The following TAF4 variants were observed in gnomAD, a reference collection of about 807,000 sequenced individuals.
TAF4 encodes TATA-box binding protein associated factor 4.
A neutral mutation model predicts 90.3 loss-of-function variants in TAF4; 9 were observed. The observed-to-expected ratio is 0.10, with a 90% confidence interval of 0.06 to 0.17. The LOEUF (loss-of-function observed/expected upper bound fraction) is 0.17, where lower values mean the gene tolerates loss of function less well. Among genes scored for constraint, TAF4 ranks in the 10% least tolerant of loss-of-function variants. The pLI is 1.00. For synonymous variants in TAF4, 818 were observed against 638.9 expected (o/e 1.28, Z -4.23); for missense variants, 1,351 against 1,370.7 (o/e 0.99, Z 0.23).
intron 1 of TAF4, chr20:62,037,777 G>C (rs539034067): frequency 4.6e-6 from 1 of 215,294 alleles, no homozygotes; most frequent in African/African-American, 2.3e-5. Context: ...TGCCAAGTCG[G>C]AATGGCATAC....
At chr20:62,045,129 A>G (rs1443464346) in intron 1 of TAF4, among the ~76,000 whole-genome samples, 2 of 152,254 alleles carry the variant, frequency 1.3e-5, no homozygotes, top group Admixed American at 6.5e-5. Context: ...TCAGGTAGGG[A>G]GAGACAGTCT....
intron 14 of TAF4, among the ~76,000 whole-genome samples, chr20:61,992,087 T>C (rs2123112562): frequency 6.6e-6 from 1 of 152,132 alleles, no homozygotes; most frequent in East Asian, 1.9e-4. Flanking sequence ...CCATGAAGCG[T>C]TCCAAAAGAA....
At chr20:62,033,824 C>T (rs547258252) in intron 1 of TAF4, among the ~76,000 whole-genome samples, 108 of 151,764 alleles carry the variant, frequency 7.1e-4, no homozygotes, top group African/African-American at 2.5e-3. Flanking sequence ...GGGTGGATCA[C>T]GAGGTCAGGA....
At chr20:62,049,784 C>T (rs1456166834) in intron 1 of TAF4, among the ~76,000 whole-genome samples, 1 of 152,162 alleles carries the variant, frequency 6.6e-6, no homozygotes, top group East Asian at 1.9e-4. Flanking sequence ...CCAGGCCCCA[C>T]CAGTCACGTG....
At chr20:61,982,884 C>T (rs998255692) in intron 14 of TAF4, among the ~76,000 whole-genome samples, 3 of 151,950 alleles carry the variant, frequency 2.0e-5, no homozygotes, top group South Asian at 2.1e-4. Flanking sequence ...CCAGCCTGCA[C>T]CCCCCTCCCC....
intron 1 of TAF4, among the ~76,000 whole-genome samples, chr20:62,033,999 G>A (rs1376161957): frequency 1.3e-4 from 19 of 150,358 alleles, no homozygotes; most frequent in South Asian, 4.2e-4. Context: ...CCAAGACCGC[G>A]CCACTGCACT....
intron 4 of TAF4, 95 bp downstream of exon 4, chr20:62,009,950 TG>T: frequency 6.3e-7 from 1 of 1,579,056 alleles, no homozygotes. Flanking sequence ...GTGAGCGGTC[TG>T]GGACAGAAGC....
At chr20:62,061,272 C>T (rs141857194) in intron 1 of TAF4, among the ~76,000 whole-genome samples, 37 of 152,350 alleles carry the variant, frequency 2.4e-4, no homozygotes, top group African/African-American at 8.2e-4. Context: ...GGCTAGTGGA[C>T]ATTTTCCCCC....
chr20:62,047,455 G>A (rs577341152), intron 1 of TAF4, among the ~76,000 whole-genome samples: 1 of 152,152 alleles, frequency 6.6e-6, no homozygotes, highest in African/African-American at 2.4e-5. Flanking sequence ...AGCTCCTTTA[G>A]AAGGAAGAGA....
intron 14 of TAF4, among the ~76,000 whole-genome samples, chr20:61,984,476 G>C (rs115000327): frequency 2.6e-5 from 4 of 152,034 alleles, no homozygotes; most frequent in African/African-American, 9.7e-5. Context: ...TCACCGTGTC[G>C]ACAGCCCAGA....
At position 62,065,759 on chromosome 20, in the gene TAF4, C is replaced by T. The variant is rs1007683356; in HGVS notation, c.52G>A (p.Asp18Asn). 2 of 1,347,094 alleles carry T rather than the reference C, an allele frequency of 1.5e-6. No homozygotes were observed. The highest frequency in any genetic ancestry group is 1.9e-6 in the Non-Finnish European group (2 of 1,031,738). The allele number at this position is 1,347,094 out of a possible 1,614,324, so 83.4% of individuals were successfully genotyped here. A position where few individuals can be genotyped will look rare whatever the true frequency, so the allele number is the denominator to read the frequency against. ...LDEVFFNSEV[D>N]EKVVSDLVGS... ...ACCAGGTCGCTCACCACTTTCTCGT[C>T]CACCTCGCTGTTGAAGAAGACCTCG... is the stretch of plus-strand genomic sequence containing the variant. The change falls in exon 1 of 15, where the codon GAC becomes AAC. Residue 18 changes from aspartate to asparagine, a missense_variant. This residue lies in a region of TAF4 where 782 missense variants were observed against 536.6 expected (regional missense o/e 1.46). Coordinates refer to ENST00000252996, the MANE Select transcript of TAF4 (RefSeq NM_003185.4).
At chr20:62,044,812 G>GA (rs1460151217) in intron 1 of TAF4, among the ~76,000 whole-genome samples, 4 of 152,188 alleles carry the variant, frequency 2.6e-5, no homozygotes, top group Non-Finnish European at 5.9e-5. Context: ...GAAACTGCTC[G>GA]AGAGTCATTT....
rs28382062 is a variant in TAF4 at position 62,011,540 on chromosome 20, C to T, written c.1641+1275G>A. 3.9e-5 allele frequency among the ~76,000 whole-genome samples: 6 copies of T among 152,326 alleles called. No individual in the cohort carries two copies. In the East Asian group the frequency reaches 1.2e-3, roughly 29 times the overall value. On this transcript the variant is annotated intron_variant, in intron 3 of 14. Coordinates refer to ENST00000252996, the MANE Select transcript of TAF4 (RefSeq NM_003185.4). ...GCTCCTTCAGGGAAAACACCAAGGG[C>T]GGGGCCTGCACCAAAGGCCAGCACA...
chr20:62,057,108 C>T (rs749983), intron 1 of TAF4, among the ~76,000 whole-genome samples: 4,141 of 152,302 alleles, frequency 0.027, 194 homozygotes, highest in African/African-American at 0.095. Context: ...ACACACTTTA[C>T]TGCAAAGTCA....
At position 62,000,193 on chromosome 20, in the gene TAF4, C is replaced by T; in HGVS notation, c.2718G>A (p.Thr906=). 3 of 1,614,198 alleles carry T rather than the reference C, an allele frequency of 1.9e-6. No homozygotes were observed. Among genetic ancestry groups the T allele is most frequent in the African/African-American group, 1.3e-5 (1 of 75,058 alleles). Residue 906 remains threonine (T), a synonymous_variant, in exon 11 of 15, where the codon ACG becomes ACA. Transcript: ENST00000252996. ...CTACAAGATTCTGTAGCCTTTGTTGCGTGGCATGTGATACATAACTTACTA... is the reference window on the plus strand; with the variant it reads ...CTACAAGATTCTGTAGCCTTTGTTGTGTGGCATGTGATACATAACTTACTA... ...PDVVSYVSHA[T]QQRLQNLVEK...
intron 14 of TAF4, among the ~76,000 whole-genome samples, chr20:61,985,221 G>A (rs930683307): frequency 2.6e-5 from 4 of 151,776 alleles, no homozygotes; most frequent in Non-Finnish European, 5.9e-5. Context: ...CTGCAGGTGA[G>A]TGACGGCCAC....
rs966451603 is a variant in TAF4, at chr20:61,987,105, G to A, written c.3090+10445C>T. Among the ~76,000 whole-genome samples, 12 of 152,298 alleles carry A rather than the reference G, an allele frequency of 7.9e-5. No individual in the cohort carries two copies. In the South Asian group the frequency reaches 1.2e-3, roughly 16 times the overall value. ...GCAGCAGCAGCAGCAACAGCCAGGC[G>A]ACACCACCTGCCTCCCAATCCAGTG... is the stretch of plus-strand genomic sequence containing the variant. On this transcript the variant is annotated intron_variant, in intron 14 of 14. Coordinates refer to ENST00000252996, the MANE Select transcript of TAF4 (RefSeq NM_003185.4).
intron 2 of TAF4, 35 bp from the exon 3 acceptor site, chr20:62,012,969 A>T: frequency 6.2e-7 from 1 of 1,609,612 alleles, no homozygotes; most frequent in Non-Finnish European, 8.5e-7. Flanking sequence ...AAACGAGCGC[A>T]AGTAAAAGGA....
At chr20:61,997,992 A>G in intron 13 of TAF4, 144 bp downstream of exon 13, 1 of 799,212 alleles carries the variant, frequency 1.3e-6, no homozygotes, top group Non-Finnish European at 1.9e-6. Context: ...CTGATGTTGT[A>G]TTTATTTAAA....
Sources: allele counts gnomAD v4.1 joint callset (sites outside exome capture counted in the v4.1 genomes callset), GRCh38; gene constraint gnomAD v4.1.1; regional missense constraint gnomAD v4.1.1; transcripts MANE v1.5; gene names NCBI Gene and HGNC (gene_info 2026-07-23, HGNC 2026-07-21).